The following ANO2 variants were observed in gnomAD, a reference collection of about 807,000 sequenced individuals.
The protein encoded by ANO2 is anoctamin 2.
In ANO2, 101 loss-of-function variants were observed where a neutral mutation model predicts 124.2. The ratio of observed to expected loss-of-function variants is 0.81; its 90% CI spans 0.69 to 0.96. The LOEUF (loss-of-function observed/expected upper bound fraction) is 0.96. Among genes scored for constraint, ANO2 ranks in the 40% least tolerant of loss-of-function variants. The pLI, the probability that ANO2 is intolerant of heterozygous loss-of-function variation, is 0.00. For synonymous variants in ANO2, 486 were observed against 482.5 expected (o/e 1.01, Z -0.09); for missense variants, 1,293 against 1,274.5 (o/e 1.01, Z -0.22).
chr12:5,858,531 A>AT (rs1955175337), intron 3 of ANO2: 2 of 151,886 alleles, frequency 1.3e-5, no homozygotes, highest in South Asian at 4.1e-4. Flanking sequence ...TGCCTCAATT[A>AT]TTTAAAAAAA....
chr12:5,741,529 C>T (rs1036813271), intron 12 of ANO2, among the ~76,000 whole-genome samples: 7 of 152,106 alleles, frequency 4.6e-5, no homozygotes, highest in Non-Finnish European at 7.3e-5. Flanking sequence ...GGGCTGTGCA[C>T]ACAACAGTGC....
At chr12:5,690,646 G>A (rs1051925375) in intron 14 of ANO2, among the ~76,000 whole-genome samples, 3 of 152,112 alleles carry the variant, frequency 2.0e-5, no homozygotes, top group East Asian at 1.9e-4. Flanking sequence ...GTATCACCTC[G>A]TAATGCGGCA....
chr12:5,806,968 A>AC (rs1222961025), intron 8 of ANO2, among the ~76,000 whole-genome samples: 1 of 152,068 alleles, frequency 6.6e-6, no homozygotes, highest in East Asian at 1.9e-4. Flanking sequence ...ACCACCATCC[A>AC]CCACCCTCAT....
chr12:5,788,060 T>C (rs937602221), intron 10 of ANO2, among the ~76,000 whole-genome samples: 32 of 152,360 alleles, frequency 2.1e-4, no homozygotes, highest in Admixed American at 1.6e-3. Context: ...GCAAATGTGA[T>C]GTCAGCAGGT....
chr12:5,658,574 T>C lies in ANO2; in HGVS notation c.1546-10773A>G, dbSNP rs116673152. ...ATAATCACCAACATCAATATTATCA[T>C]TGTCATCAATATCATCATCATCATC... On this transcript the variant is annotated intron_variant, in intron 14 of 24. Transcript: ENST00000682330. The surrounding 1 kb of genome is among the most constrained non-coding windows in gnomAD (Gnocchi z 4.3). 0.015 allele frequency among the ~76,000 whole-genome samples: 2,296 copies of C among 151,948 alleles called. 46 individuals are homozygous for C. Among genetic ancestry groups the C allele is most frequent in the African/African-American group, 0.051 (2,103 of 41,300 alleles).
At chr12:5,929,553 ACCTTCTTTCCTCACTCGTCTG>A (rs1942258771) in intron 1 of ANO2, among the ~76,000 whole-genome samples, 1 of 85,016 alleles carries the variant, frequency 1.2e-5, no homozygotes, top group African/African-American at 5.4e-5. Context: ...TTACTAGTCT[ACCTTCTTTCCTCACTCGTCTG>A]CCTTCTTTCC....
At chr12:5,761,912 C>T (rs1951755481) in intron 10 of ANO2, among the ~76,000 whole-genome samples, 1 of 152,086 alleles carries the variant, frequency 6.6e-6, no homozygotes, top group African/African-American at 2.4e-5. Flanking sequence ...CAATAATTGT[C>T]TCACATGTAT....
At chr12:5,675,690 A>G (rs1481650312) in intron 14 of ANO2, among the ~76,000 whole-genome samples, 1 of 152,198 alleles carries the variant, frequency 6.6e-6, no homozygotes, top group Non-Finnish European at 1.5e-5. Context: ...CTGTCCTGAC[A>G]GACAGGAGAT....
chr12:5,817,404 G>A (rs1565693094), intron 7 of ANO2, among the ~76,000 whole-genome samples: 2 of 152,218 alleles, frequency 1.3e-5, no homozygotes, highest in South Asian at 4.1e-4. Flanking sequence ...AGTAGAATGT[G>A]TGAGACACGC....
rs1028086954 is a variant in ANO2, at chr12:5,563,186, C to T, written c.*113G>A. On this transcript the variant is annotated 3_prime_UTR_variant, in exon 25 of 25. Coordinates refer to ENST00000682330, the MANE Select transcript of ANO2 (RefSeq NM_001364791.2). ...TACACACTGCCCCCTCTTCAAGACC[C>T]CATCAAGCCAGGCCCCTGCAGACAG... The T allele has an allele frequency of 3.7e-5, 51 of 1,385,374 alleles. No individual in the cohort carries two copies. The African/African-American group carries it at 6.8e-4, about 18-fold the overall frequency. The allele number at this position is 1,385,374 out of a possible 1,614,324, so 85.8% of individuals were successfully genotyped here.
intron 11 of ANO2, among the ~76,000 whole-genome samples, chr12:5,745,994 C>G (rs1313365484): frequency 6.6e-6 from 1 of 152,196 alleles, no homozygotes; most frequent in African/African-American, 2.4e-5. Context: ...AATCACTTGT[C>G]TGTATAAATT....
intron 1 of ANO2, among the ~76,000 whole-genome samples, chr12:5,924,076 T>TCAAATTTAAC (rs1941965378): frequency 6.6e-6 from 1 of 152,164 alleles, no homozygotes; most frequent in Non-Finnish European, 1.5e-5. Context: ...CATTTTAACC[T>TCAAATTTAAC]CCAAGTGAGC....
At chr12:5,774,978 C>G (rs1402039393) in intron 10 of ANO2, among the ~76,000 whole-genome samples, 1 of 152,208 alleles carries the variant, frequency 6.6e-6, no homozygotes. Flanking sequence ...AGCACCTACA[C>G]TGTTTTTTAC....
intron 14 of ANO2, among the ~76,000 whole-genome samples, chr12:5,668,930 G>A (rs1324909467): frequency 1.3e-5 from 2 of 152,146 alleles, no homozygotes; most frequent in Non-Finnish European, 2.9e-5. Context: ...CCAGCACCAT[G>A]GCGTTTTGGT....
chr12:5,873,562 T>C (rs1937877865), intron 3 of ANO2, among the ~76,000 whole-genome samples: 1 of 152,304 alleles, frequency 6.6e-6, no homozygotes, highest in East Asian at 1.9e-4. Context: ...GCTTAAAGCC[T>C]GAAAGAGGCT....
At chr12:5,691,110 A>G (rs1375886093) in intron 14 of ANO2, among the ~76,000 whole-genome samples, 1 of 151,926 alleles carries the variant, frequency 6.6e-6, no homozygotes, top group Non-Finnish European at 1.5e-5. Flanking sequence ...CAGGCAGATC[A>G]CGAGGTCAGG....
rs554558383 is a variant in ANO2, at chr12:5,883,197, T to C, written c.535-29056A>G. 2.0e-5 allele frequency among the ~76,000 whole-genome samples: 3 copies of C among 152,036 alleles called. No homozygotes were observed. The South Asian group carries it at 6.2e-4, about 32-fold the overall frequency. On this transcript the variant is annotated intron_variant, in intron 3 of 24. Coordinates refer to ENST00000682330, the MANE Select transcript of ANO2 (RefSeq NM_001364791.2). ...ACTCCCCGCCTAGCATGCTGAAAAC[T>C]GAGCAATTAAATATCTGAGGCCCAA... is the stretch of plus-strand genomic sequence containing the variant.
chr12:5,762,279 G>T (rs1402438028), intron 10 of ANO2, among the ~76,000 whole-genome samples: 1 of 151,830 alleles, frequency 6.6e-6, no homozygotes, highest in Non-Finnish European at 1.5e-5. Flanking sequence ...TATTACAAAG[G>T]AACTAAAATA....
chr12:5,568,496 C>CT (rs1173786649), intron 23 of ANO2, among the ~76,000 whole-genome samples: 1 of 152,146 alleles, frequency 6.6e-6, no homozygotes, highest in African/African-American at 2.4e-5. Context: ...CTTGATTCTC[C>CT]TAAGCCCCTA....
Sources: allele counts gnomAD v4.1 joint callset (sites outside exome capture counted in the v4.1 genomes callset), GRCh38; gene constraint gnomAD v4.1.1; non-coding constraint Gnocchi (gnomAD v3.1); transcripts MANE v1.5; gene names NCBI Gene and HGNC (gene_info 2026-07-23, HGNC 2026-07-21).